Variants in RGS7 observed in about 807,000 individuals in gnomAD.
RGS7 encodes the protein regulator of G-protein signaling 7.
RGS7 carries 27 observed loss-of-function variants against 81.1 expected under a neutral mutation model. The ratio of observed to expected loss-of-function variants is 0.33; its 90% CI spans 0.25 to 0.46. The LOEUF is 0.46. Among genes scored for constraint, RGS7 ranks in the 20% least tolerant of loss-of-function variants. The pLI, the probability that RGS7 is intolerant of heterozygous loss-of-function variation, is 1.00. For missense variants in RGS7, 396 were observed against 607.4 expected, an observed-to-expected ratio of 0.65 and a Z score of 3.66; for synonymous variants, 208 against 207.7, an observed-to-expected ratio of 1.00 and a Z score of -0.01.
rs1439930837 is a variant in RGS7, at chr1:240,775,779, T to C, written c.*441A>G. ...AAATGTGAAGCCACATGTATACTTA[T>C]TGATATATACTTTTTTCTTTTACAG... On this transcript the variant is annotated 3_prime_UTR_variant, in exon 19 of 19. Coordinates refer to ENST00000440928, the MANE Select transcript of RGS7 (RefSeq NM_001364886.1). The C allele has an allele frequency of 1.3e-5, 3 of 236,194 alleles. No individual in the cohort carries two copies. The highest frequency in any genetic ancestry group is 6.3e-5 in the South Asian group (1 of 15,766). 14.6% of individuals were successfully genotyped at this position (236,194 alleles called of 1,614,324 possible).
At chr1:240,918,664 T>A (rs929912558) in intron 6 of RGS7, among the ~76,000 whole-genome samples, 11 of 151,832 alleles carry the variant, frequency 7.2e-5, no homozygotes, top group Non-Finnish European at 1.2e-4. Flanking sequence ...TAATCTAAAT[T>A]CCCATCTTAG....
intron 2 of RGS7, among the ~76,000 whole-genome samples, chr1:241,308,480 T>G (rs1364732460): frequency 6.6e-6 from 1 of 152,226 alleles, no homozygotes; most frequent in Non-Finnish European, 1.5e-5. Context: ...GCAACAAGCC[T>G]GACAGAGAAC....
chr1:241,131,629 G>A (rs1000493896), intron 2 of RGS7, among the ~76,000 whole-genome samples: 1 of 152,104 alleles, frequency 6.6e-6, no homozygotes, highest in Non-Finnish European at 1.5e-5. Context: ...AAGCAAAAAT[G>A]AGAGACACCT....
At chr1:241,039,566 T>G (rs1233884286) in intron 3 of RGS7, among the ~76,000 whole-genome samples, 1 of 81,060 alleles carries the variant, frequency 1.2e-5, no homozygotes, top group Non-Finnish European at 2.9e-5. Flanking sequence ...AACTCATTTC[T>G]TTTTTTTTTT....
chr1:240,932,676 GTTTTTGTATTTT>G (rs1447821991), intron 5 of RGS7, among the ~76,000 whole-genome samples: 1 of 147,512 alleles, frequency 6.8e-6, no homozygotes, highest in African/African-American at 2.5e-5. Context: ...GCCCAGCTGA[GTTTTTGTATTTT>G]TAGTAGAGAC....
intron 18 of RGS7, among the ~76,000 whole-genome samples, chr1:240,794,948 C>T (rs1255519752): frequency 6.6e-6 from 1 of 151,932 alleles, no homozygotes; most frequent in East Asian, 1.9e-4. Context: ...TTTGGGAGGC[C>T]GAGGCAGGCG....
intron 2 of RGS7, among the ~76,000 whole-genome samples, chr1:241,106,752 C>CACACACACACACA (rs1553421292): frequency 9.9e-5 from 12 of 121,644 alleles, no homozygotes; most frequent in African/African-American, 4.0e-4. Context: ...AACACCACCA[C>CACACACACACACA]CACACACACA....
At chr1:241,320,809 G>C (rs547068733) in intron 2 of RGS7, among the ~76,000 whole-genome samples, 1 of 152,262 alleles carries the variant, frequency 6.6e-6, no homozygotes, top group South Asian at 2.1e-4. Flanking sequence ...TTCTGTAGCA[G>C]GAACAAAAAG....
chr1:240,995,708 C>CT (rs71172669), intron 3 of RGS7, among the ~76,000 whole-genome samples: 83,927 of 139,686 alleles, frequency 0.6, 27,725 homozygotes, highest in Non-Finnish European at 0.75. Context: ...TGTGTCTTTT[C>CT]TTTTTTTTTT....
rs143629977 is a variant in RGS7 at position 241,240,475 on chromosome 1, G to A, written c.78+115224C>T. Among the ~76,000 whole-genome samples, 169 of 152,286 alleles carry A rather than the reference G, an allele frequency of 1.1e-3. 2 individuals carry two copies. In the South Asian group the frequency reaches 0.018, roughly 16 times the overall value. On this transcript the variant is annotated intron_variant, in intron 2 of 18. Transcript: ENST00000440928. ...CACTTATAAATATGTATGTGTGTGG[G>A]TGTAGAAACATTACTTGTAAAAAAT...
intron 9 of RGS7, among the ~76,000 whole-genome samples, chr1:240,866,649 C>T (rs1326873924): frequency 6.6e-6 from 1 of 152,100 alleles, no homozygotes; most frequent in Admixed American, 6.5e-5. Context: ...GGATAACACT[C>T]ATATGTGCTC....
At chr1:241,311,287 G>A (rs1363603602) in intron 2 of RGS7, among the ~76,000 whole-genome samples, 1 of 152,098 alleles carries the variant, frequency 6.6e-6, no homozygotes, top group Non-Finnish European at 1.5e-5. Context: ...AAGAAACAGG[G>A]TGCAACGCTC....
chr1:241,017,439 C>CAAAAAA (rs554731685), intron 3 of RGS7, among the ~76,000 whole-genome samples: 1 of 73,096 alleles, frequency 1.4e-5, no homozygotes, highest in Non-Finnish European at 3.1e-5. Context: ...CACTCTGTCT[C>CAAAAAA]AAAAAAAAAA....
intron 3 of RGS7, among the ~76,000 whole-genome samples, chr1:241,032,128 A>C (rs1558623787): frequency 6.6e-6 from 1 of 152,210 alleles, no homozygotes; most frequent in Non-Finnish European, 1.5e-5. Flanking sequence ...TTAAGTCTTT[A>C]ATCTATCTTG....
chr1:240,789,047 G>A (rs554677176), intron 18 of RGS7, among the ~76,000 whole-genome samples: 10 of 152,270 alleles, frequency 6.6e-5, no homozygotes, highest in South Asian at 2.1e-4. Context: ...TGGAGGGACC[G>A]GCTGAAGCCA....
At chr1:241,289,402 T>G (rs952012816) in intron 2 of RGS7, among the ~76,000 whole-genome samples, 2 of 152,220 alleles carry the variant, frequency 1.3e-5, no homozygotes, top group Admixed American at 6.5e-5. Flanking sequence ...CTTGATTTAG[T>G]GGTCTCCCCT....
At chr1:241,071,296 T>C (rs1192455612) in intron 3 of RGS7, among the ~76,000 whole-genome samples, 1 of 152,148 alleles carries the variant, frequency 6.6e-6, no homozygotes, top group Non-Finnish European at 1.5e-5. Context: ...CATTCACCTT[T>C]CATGGCAGTG....
At chr1:241,160,998 G>GT (rs922072254) in intron 2 of RGS7, among the ~76,000 whole-genome samples, 20 of 151,570 alleles carry the variant, frequency 1.3e-4, no homozygotes, top group African/African-American at 3.9e-4. Context: ...AAAAGTGATA[G>GT]TTTTTTTTGC....
intron 2 of RGS7, among the ~76,000 whole-genome samples, chr1:241,175,605 T>G (rs1171157963): frequency 2.0e-5 from 3 of 152,176 alleles, no homozygotes; most frequent in South Asian, 4.1e-4. Flanking sequence ...CCATGATAAA[T>G]ACCATAAGAG....
Sources: gnomAD v4.1 joint callset for allele counts (sites outside exome capture counted in the v4.1 genomes callset) on GRCh38, gnomAD v4.1.1 for gene constraint, MANE v1.5 for transcripts, NCBI Gene and HGNC (gene_info 2026-07-23, HGNC 2026-07-21) for gene names.